The following TFG variants were observed in gnomAD, a reference collection of about 807,000 sequenced individuals.
TFG encodes protein TFG.
A neutral mutation model predicts 51.4 loss-of-function variants in TFG; 22 were observed. The ratio of observed to expected loss-of-function variants is 0.43; its 90% CI spans 0.31 to 0.61. The LOEUF (loss-of-function observed/expected upper bound fraction) is 0.61. Ranked by LOEUF, TFG falls within the 20% of genes least tolerant of loss-of-function variation. The pLI, the probability that TFG is intolerant of heterozygous loss-of-function variation, is 0.12. For synonymous variants in TFG, 187 were observed against 165.6 expected (o/e 1.13, Z -0.99); for missense variants, 419 against 487.7 (o/e 0.86, Z 1.33).
intron 7 of TFG, among the ~76,000 whole-genome samples, chr3:100,746,272 T>G (rs1290494860): frequency 6.6e-6 from 1 of 152,170 alleles, no homozygotes; most frequent in Non-Finnish European, 1.5e-5. Context: ...GGAGGCTATG[T>G]GTGGGGCCCC....
At chr3:100,723,504 A>G (rs2095066502) in intron 3 of TFG, among the ~76,000 whole-genome samples, 1 of 152,168 alleles carries the variant, frequency 6.6e-6, no homozygotes. Flanking sequence ...TGCTACTTCC[A>G]AGAGACATAA....
At chr3:100,711,848 T>G (rs985821571) in intron 1 of TFG, among the ~76,000 whole-genome samples, 2 of 152,126 alleles carry the variant, frequency 1.3e-5, no homozygotes, top group South Asian at 4.1e-4. Context: ...AATTATACTT[T>G]AGAGTTGGCA....
At chr3:100,741,636 A>T (rs2149093330) in intron 6 of TFG, among the ~76,000 whole-genome samples, 1 of 152,320 alleles carries the variant, frequency 6.6e-6, no homozygotes, top group South Asian at 2.1e-4. Flanking sequence ...AACCTTTAGT[A>T]GTGCACAGTA....
At chr3:100,723,778 A>G (rs986056443) in intron 3 of TFG, among the ~76,000 whole-genome samples, 26 of 152,176 alleles carry the variant, frequency 1.7e-4, no homozygotes, top group Non-Finnish European at 1.9e-4. Context: ...CGATAAATCA[A>G]GCAGGCTCAA....
chr3:100,744,982 C>T, intron 7 of TFG, 51 bp downstream of exon 7: 2 of 1,166,058 alleles, frequency 1.7e-6, no homozygotes, highest in Non-Finnish European at 2.5e-6. Flanking sequence ...TTTCTATACT[C>T]ATTAAACTTT....
At chr3:100,724,573 G>A (rs910549509) in intron 3 of TFG, among the ~76,000 whole-genome samples, 1 of 152,110 alleles carries the variant, frequency 6.6e-6, no homozygotes, top group East Asian at 1.9e-4. Flanking sequence ...CTATTCAAGA[G>A]CATAGGCAAA....
intron 5 of TFG, among the ~76,000 whole-genome samples, chr3:100,735,518 G>A (rs1294260799): frequency 6.6e-6 from 1 of 152,144 alleles, no homozygotes; most frequent in Non-Finnish European, 1.5e-5. Flanking sequence ...GGAAACTGAG[G>A]CACAGAAAGA....
chr3:100,725,957 G>A (rs2095074541), intron 3 of TFG, among the ~76,000 whole-genome samples: 1 of 152,196 alleles, frequency 6.6e-6, no homozygotes, highest in Admixed American at 6.5e-5. Context: ...GAACCAATAA[G>A]ATACATGGGA....
At chr3:100,740,973 A>AATGT (rs1462816357) in intron 6 of TFG, among the ~76,000 whole-genome samples, 1 of 152,298 alleles carries the variant, frequency 6.6e-6, no homozygotes, top group East Asian at 1.9e-4. Flanking sequence ...TAGCCATCAT[A>AATGT]ATGTAGCACA....
chr3:100,745,460 A>C (rs1345400416), intron 7 of TFG, among the ~76,000 whole-genome samples: 1 of 152,228 alleles, frequency 6.6e-6, no homozygotes, highest in Admixed American at 6.5e-5. Flanking sequence ...TAATTCAGGC[A>C]ACTAAGAACA....
chr3:100,723,174 T>C (rs1260768370), intron 3 of TFG, among the ~76,000 whole-genome samples: 1 of 152,072 alleles, frequency 6.6e-6, no homozygotes, highest in African/African-American at 2.4e-5. Flanking sequence ...AAGGAAGGGA[T>C]GATAGGAATA....
chr3:100,742,459 A>C (rs2095123902), intron 6 of TFG: 1 of 152,234 alleles, frequency 6.6e-6, no homozygotes, highest in African/African-American at 2.4e-5. Context: ...ATTCCAATTC[A>C]GGGTTGTGGG....
intron 4 of TFG, among the ~76,000 whole-genome samples, chr3:100,729,383 T>C (rs2095085052): frequency 6.6e-6 from 1 of 152,200 alleles, no homozygotes; most frequent in Non-Finnish European, 1.5e-5. Context: ...AACTAATTTT[T>C]TCCCCATTGT....
chr3:100,732,615 G>A lies in TFG; in HGVS notation c.523G>A (p.Asp175Asn). The change falls in exon 5 of 8, where the codon GAT becomes AAT. Residue 175 changes from aspartate to asparagine, a missense_variant. Transcript: ENST00000240851. Reference sequence around the variant, plus strand: ...TGCTTTTGATCCTTTAAAAAACCAAGATGAAATCAATAAAAATGTTATGTC... The same window carrying A: ...TGCTTTTGATCCTTTAAAAAACCAAAATGAAATCAATAAAAATGTTATGTC... Reference protein sequence around the residue: ...MSAFDPLKNQDEINKNVMSAF... With the variant: ...MSAFDPLKNQNEINKNVMSAF... 6.2e-7 allele frequency: 1 copy of A among 1,612,064 alleles called. No homozygotes were observed. The highest frequency in any genetic ancestry group is 8.5e-7 in the Non-Finnish European group (1 of 1,179,130).
intron 2 of TFG, among the ~76,000 whole-genome samples, chr3:100,716,886 GGATT>G (rs529280610): frequency 2.4e-4 from 36 of 151,968 alleles, no homozygotes; most frequent in East Asian, 1.4e-3. Context: ...TTTTAAAATC[GGATT>G]GATTGTTTTT....
Position 100,732,671 on chromosome 3 carries a change from AG to A in TFG, c.580+1del. The A allele has an allele frequency of 6.2e-7, 1 of 1,606,330 alleles. No homozygotes were observed. The highest frequency in any genetic ancestry group is 8.5e-7 in the Non-Finnish European group (1 of 1,176,618). The part of the protein sequence containing the change: ...AFGLTDDQVS[G>X]PPSAPAEDRS... ...TTGGCTTAACAGATGATCAGGTTTC[AG>A]GTAAGTTGGTTTCCAACTCCTTTAC... On this transcript the variant is annotated frameshift_variant and splice_region_variant, in exon 5 of 8. Coordinates refer to ENST00000240851, the MANE Select transcript of TFG (RefSeq NM_006070.6). LOFTEE classifies it high-confidence loss of function.
chr3:100,733,259 G>A (rs931507524), intron 5 of TFG, among the ~76,000 whole-genome samples: 2 of 151,980 alleles, frequency 1.3e-5, no homozygotes, highest in African/African-American at 4.8e-5. Context: ...GCTTGATACT[G>A]TCTCATGGGT....
At chr3:100,711,195 C>T (rs890272731) in intron 1 of TFG, 2 of 152,500 alleles carry the variant, frequency 1.3e-5, no homozygotes, top group African/African-American at 2.4e-5. Context: ...CTCCGCCTCC[C>T]GGGTTCAAGC....
chr3:100,714,934 A>G (rs2095041514), intron 2 of TFG, among the ~76,000 whole-genome samples: 1 of 152,208 alleles, frequency 6.6e-6, no homozygotes, highest in Non-Finnish European at 1.5e-5. Flanking sequence ...CCTATTCTTC[A>G]ACCTGCCTTC....
Sources: gnomAD v4.1 joint callset for allele counts (sites outside exome capture counted in the v4.1 genomes callset) on GRCh38, gnomAD v4.1.1 for gene constraint, MANE v1.5 for transcripts, NCBI Gene and HGNC (gene_info 2026-07-23, HGNC 2026-07-21) for gene names.